STXBP6: variants seen among roughly 807,000 people sequenced by gnomAD.
STXBP6 encodes syntaxin-binding protein 6.
Under a neutral mutation model 26.9 loss-of-function variants are expected in STXBP6, and 21 were observed. That is an observed-to-expected ratio of 0.78 (90% confidence interval 0.55 to 1.12). The LOEUF is 1.12. Among genes scored for constraint, STXBP6 ranks in the 50% most tolerant of loss-of-function variants. The probability of loss-of-function intolerance (pLI) is 0.00; values close to 1 mark genes in which losing one functional copy is unlikely to be tolerated. For synonymous variants in STXBP6, 97 were observed against 92.6 expected, an observed-to-expected ratio of 1.05 and a Z score of -0.27; for missense variants, 232 against 257.9, an observed-to-expected ratio of 0.90 and a Z score of 0.69.
At chr14:25,023,351 A>G (rs1407446604) in intron 1 of STXBP6, among the ~76,000 whole-genome samples, 1 of 151,784 alleles carries the variant, frequency 6.6e-6, no homozygotes, top group Non-Finnish European at 1.5e-5. Context: ...ATGACTATTG[A>G]AATTCTTTTT....
chr14:24,917,633 G>C (rs900528468), intron 2 of STXBP6, among the ~76,000 whole-genome samples: 8 of 151,702 alleles, frequency 5.3e-5, no homozygotes, highest in Non-Finnish European at 8.8e-5. Flanking sequence ...TAAATGTAAG[G>C]GCTAAAACTT....
At chr14:24,961,668 G>T (rs1423579347) in intron 2 of STXBP6, among the ~76,000 whole-genome samples, 2 of 151,902 alleles carry the variant, frequency 1.3e-5, no homozygotes, top group African/African-American at 4.8e-5. Context: ...AAAGGAATGA[G>T]GATTTAAAAA....
chr14:24,811,191 G>C lies in STXBP6; in HGVS notation c.*1518C>G, dbSNP rs2067814052. ...CCATCTGATATTTTTACCCCCAGTAGACAAACTTTCTCTCTCCTTGGGAAT... is the reference window on the plus strand; with the variant it reads ...CCATCTGATATTTTTACCCCCAGTACACAAACTTTCTCTCTCCTTGGGAAT... On this transcript the variant is annotated 3_prime_UTR_variant, in exon 6 of 6. Transcript: ENST00000323944. 6.6e-6 allele frequency: 1 copy of C among 152,008 alleles called. No homozygotes were observed. Among genetic ancestry groups the C allele is most frequent in the African/African-American group, 2.4e-5 (1 of 41,384 alleles). The allele number at this position is 152,008 out of a possible 1,614,324, so 9.4% of individuals were successfully genotyped here.
intron 4 of STXBP6, among the ~76,000 whole-genome samples, chr14:24,845,292 A>T (rs141934274): frequency 1.3e-5 from 2 of 152,122 alleles, no homozygotes; most frequent in African/African-American, 4.8e-5. Context: ...GATTACAGGC[A>T]TGAGCCACCG....
chr14:24,986,530 GA>G (rs1483526563), intron 1 of STXBP6, among the ~76,000 whole-genome samples: 2 of 152,178 alleles, frequency 1.3e-5, no homozygotes, highest in Non-Finnish European at 2.9e-5. Context: ...CAGGAGCCTG[GA>G]TCAGCTGTTG....
At chr14:24,990,217 A>G (rs928555904) in intron 1 of STXBP6, among the ~76,000 whole-genome samples, 9 of 152,000 alleles carry the variant, frequency 5.9e-5, no homozygotes, top group African/African-American at 2.2e-4. Context: ...GCTTCTCATC[A>G]CTTTGTGCTT....
At chr14:24,975,236 T>TC (rs2074015306) in intron 1 of STXBP6, among the ~76,000 whole-genome samples, 1 of 152,184 alleles carries the variant, frequency 6.6e-6, no homozygotes, top group African/African-American at 2.4e-5. Flanking sequence ...CTTTCCACTG[T>TC]CCAACAGTCC....
chr14:24,873,578 A>G (rs2070020212), intron 2 of STXBP6, among the ~76,000 whole-genome samples: 1 of 152,212 alleles, frequency 6.6e-6, no homozygotes, highest in Admixed American at 6.5e-5. Context: ...GAAATGAACA[A>G]TGAGAACGGT....
intron 1 of STXBP6, among the ~76,000 whole-genome samples, chr14:24,982,035 C>T (rs1321310497): frequency 1.3e-5 from 2 of 152,106 alleles, no homozygotes; most frequent in Non-Finnish European, 2.9e-5. Flanking sequence ...TTTGCCAAAA[C>T]GTTAATATGA....
At chr14:24,950,695 T>C (rs2073135422) in intron 2 of STXBP6, among the ~76,000 whole-genome samples, 1 of 152,182 alleles carries the variant, frequency 6.6e-6, no homozygotes, top group Admixed American at 6.5e-5. Flanking sequence ...CATGTTATCT[T>C]TATCTTCTAG....
chr14:24,908,973 A>G (rs2071476704), intron 2 of STXBP6, among the ~76,000 whole-genome samples: 1 of 152,240 alleles, frequency 6.6e-6, no homozygotes, highest in Non-Finnish European at 1.5e-5. Flanking sequence ...AGAAAAATGC[A>G]CTGAAAATAG....
At chr14:24,907,745 T>C (rs2071434009) in intron 2 of STXBP6, among the ~76,000 whole-genome samples, 2 of 152,206 alleles carry the variant, frequency 1.3e-5, no homozygotes, top group African/African-American at 4.8e-5. Flanking sequence ...ATTCTGTCCA[T>C]GAAAGAGACA....
At chr14:24,877,689 G>A (rs1042815343) in intron 2 of STXBP6, among the ~76,000 whole-genome samples, 7 of 152,152 alleles carry the variant, frequency 4.6e-5, no homozygotes, top group African/African-American at 1.7e-4. Flanking sequence ...CCCACTGATG[G>A]ATAGTGAGTT....
At chr14:24,929,970 A>G (rs1001210789) in intron 2 of STXBP6, among the ~76,000 whole-genome samples, 1 of 152,256 alleles carries the variant, frequency 6.6e-6, no homozygotes, top group Non-Finnish European at 1.5e-5. Context: ...TATGCAAAAA[A>G]GAATATGACT....
intron 2 of STXBP6, among the ~76,000 whole-genome samples, chr14:24,927,468 A>G (rs2072219084): frequency 6.6e-6 from 1 of 152,254 alleles, no homozygotes; most frequent in South Asian, 2.1e-4. Flanking sequence ...AAGGCAGAAC[A>G]TATTTGTGCT....
intron 1 of STXBP6, among the ~76,000 whole-genome samples, chr14:24,984,185 TCG>T (rs2140251744): frequency 6.6e-6 from 1 of 152,198 alleles, no homozygotes; most frequent in South Asian, 2.1e-4. Context: ...TGAGCCGAGA[TCG>T]TGCGACTGCA....
chr14:24,873,440 G>T (rs1265509762), intron 2 of STXBP6, among the ~76,000 whole-genome samples: 1 of 152,138 alleles, frequency 6.6e-6, no homozygotes, highest in Non-Finnish European at 1.5e-5. Flanking sequence ...AGGGGAGGAA[G>T]AATGAACACA....
chr14:24,879,770 G>A (rs1254935414), intron 2 of STXBP6, among the ~76,000 whole-genome samples: 1 of 152,042 alleles, frequency 6.6e-6, no homozygotes, highest in Non-Finnish European at 1.5e-5. Flanking sequence ...ACAGGATCTT[G>A]GTTGGCAGGA....
At chr14:24,963,139 T>C in intron 2 of STXBP6, among the ~76,000 whole-genome samples, 1 of 152,158 alleles carries the variant, frequency 6.6e-6, no homozygotes, top group South Asian at 2.1e-4. Context: ...ATAACTAATA[T>C]GTATACATTT....
Sources: allele counts gnomAD v4.1 joint callset (sites outside exome capture counted in the v4.1 genomes callset), GRCh38; gene constraint gnomAD v4.1.1; transcripts MANE v1.5; gene names NCBI Gene and HGNC (gene_info 2026-07-23, HGNC 2026-07-21).